GPR89B: variants seen among roughly 807,000 people sequenced by gnomAD.
The protein encoded by GPR89B is golgi pH regulator B, also known as G protein-coupled receptor 89B.
GPR89B carries 25 observed loss-of-function variants against 52.4 expected under a neutral mutation model. The ratio of observed to expected loss-of-function variants is 0.48; its 90% CI spans 0.35 to 0.67. The LOEUF is 0.67. GPR89B is among the 30% of genes least tolerant of loss of function. The probability of loss-of-function intolerance (pLI) is 0.01; values close to 1 mark genes in which losing one functional copy is unlikely to be tolerated. For synonymous variants in GPR89B, 52 were observed against 151.2 expected (o/e 0.34, Z 4.81); for missense variants, 146 against 450.2 (o/e 0.32, Z 6.11).
At chr1:148,018,977 T>C in the GPR89B span, among the ~76,000 whole-genome samples, 4 of 148,826 alleles carry the variant, frequency 2.7e-5, no homozygotes, top group African/African-American at 1.0e-4. Flanking sequence ...ATTATTATTA[T>C]TATTATTATC....
the GPR89B span, among the ~76,000 whole-genome samples, chr1:148,020,467 T>G: frequency 6.6e-6 from 1 of 151,152 alleles, no homozygotes; most frequent in Admixed American, 6.6e-5. Context: ...CAGCTCGGGG[T>G]CAGGAGGCGT....
At chr1:147,930,429 A>G (rs1297928135) in intron 1 of GPR89B, among the ~76,000 whole-genome samples, 2 of 152,072 alleles carry the variant, frequency 1.3e-5, no homozygotes, top group African/African-American at 4.8e-5. Context: ...GTTCATTTGT[A>G]TATTCATGTG....
At chr1:148,014,072 C>G in the GPR89B span, among the ~76,000 whole-genome samples, 1 of 151,234 alleles carries the variant, frequency 6.6e-6, no homozygotes, top group African/African-American at 2.5e-5. Flanking sequence ...TGCTTTCCCA[C>G]CACGCAGGCC....
At chr1:147,970,491 A>ATCTCTCTCTCTCTCTCTCTCTCTCTCTC (rs1174595676) in intron 10 of GPR89B, among the ~76,000 whole-genome samples, 10 of 105,808 alleles carry the variant, frequency 9.5e-5, no homozygotes, top group Non-Finnish European at 1.4e-4. Context: ...GTGAGACTCC[A>ATCTCTCTCTCTCTCTCTCTCTCTCTCTC]TCTCTCTCTC....
the GPR89B span, chr1:148,014,752 G>A: frequency 6.6e-6 from 1 of 152,570 alleles, no homozygotes; most frequent in Non-Finnish European, 1.5e-5. Flanking sequence ...CCGCCCCACA[G>A]CCACCGCGCC....
At position 147,992,580 on chromosome 1, in the gene GPR89B, A is replaced by C; in HGVS notation, c.1161+13A>C. On this transcript the variant is annotated intron_variant, in intron 13 of 13. Transcript: ENST00000314163. The stretch of plus-strand genomic sequence containing the variant: ...AGCACAGATAATGGTAAGTTTAATT[A>C]GTTACCTTTATGTTGACAGCTGTAA... 3 of 1,611,742 alleles carry C rather than the reference A, an allele frequency of 1.9e-6. No homozygotes were observed. Among genetic ancestry groups the C allele is most frequent in the Non-Finnish European group, 2.5e-6 (3 of 1,179,658 alleles).
At chr1:148,014,868 G>A in the GPR89B span, 2 of 151,858 alleles carry the variant, frequency 1.3e-5, no homozygotes, top group East Asian at 1.9e-4. Context: ...GCAGGACGGG[G>A]GGAAGGCCAT....
At chr1:148,011,679 C>T in the GPR89B span, 1 of 152,344 alleles carries the variant, frequency 6.6e-6, no homozygotes, top group Middle Eastern at 3.4e-3. Context: ...TATGCCCAGA[C>T]ACCCTGAACC....
chr1:148,015,920 C>T, the GPR89B span, among the ~76,000 whole-genome samples: 1 of 151,900 alleles, frequency 6.6e-6, no homozygotes, highest in African/African-American at 2.4e-5. Flanking sequence ...TTAGTAATTC[C>T]CTTAGGGCTT....
intron 12 of GPR89B, 68 bp from the exon 13 acceptor site, chr1:147,992,434 A>G: frequency 1.5e-5 from 23 of 1,528,628 alleles, no homozygotes; most frequent in Non-Finnish European, 2.1e-5. Flanking sequence ...TGTTAACCAT[A>G]TTTCTTACTG....
chr1:147,970,525 CTCTCTCTCTA>C (rs1210064653), intron 10 of GPR89B, among the ~76,000 whole-genome samples: 13 of 145,012 alleles, frequency 9.0e-5, no homozygotes, highest in African/African-American at 2.3e-4. Context: ...CTCTCTCTCT[CTCTCTCTCTA>C]TCTCTATCTC....
At chr1:148,007,861 GAGT>G in the GPR89B span, among the ~76,000 whole-genome samples, 1 of 151,056 alleles carries the variant, frequency 6.6e-6, no homozygotes, top group East Asian at 1.9e-4. Flanking sequence ...CCTGGTAACT[GAGT>G]AGTAAGTAGT....
At chr1:147,932,280 C>T (rs1404933213) in intron 1 of GPR89B, among the ~76,000 whole-genome samples, 2 of 151,972 alleles carry the variant, frequency 1.3e-5, no homozygotes, top group African/African-American at 4.8e-5. Flanking sequence ...TGACCCTTTC[C>T]TTTTCTGCTT....
At chr1:148,012,506 C>G in the GPR89B span, among the ~76,000 whole-genome samples, 1 of 150,044 alleles carries the variant, frequency 6.7e-6, no homozygotes, top group Admixed American at 6.6e-5. Flanking sequence ...CCCACTCCCC[C>G]ACCCCCGCAG....
the GPR89B span, chr1:148,010,410 G>T: frequency 2.0e-5 from 3 of 152,242 alleles, no homozygotes; most frequent in Non-Finnish European, 2.9e-5. Flanking sequence ...GCCAAAGAGA[G>T]TGTAGTTAAG....
At chr1:147,946,014 C>T (rs1246078367) in intron 5 of GPR89B, among the ~76,000 whole-genome samples, 8 of 152,056 alleles carry the variant, frequency 5.3e-5, no homozygotes, top group African/African-American at 1.7e-4. Context: ...GTATGAGCCA[C>T]CACACCCAGC....
intron 10 of GPR89B, among the ~76,000 whole-genome samples, chr1:147,972,739 G>T (rs1391697436): frequency 0.055 from 8,323 of 150,018 alleles, 443 homozygotes; most frequent in Middle Eastern, 0.11. Context: ...ATGGTGATTT[G>T]CTGCATCTGT....
At chr1:147,949,174 A>T (rs1165493757) in intron 5 of GPR89B, among the ~76,000 whole-genome samples, 2 of 152,112 alleles carry the variant, frequency 1.3e-5, no homozygotes, top group African/African-American at 2.4e-5. Context: ...CCACACAGAC[A>T]TGGCAACCAT....
chr1:147,938,797 C>G lies in GPR89B; in HGVS notation c.186C>G (p.Ile62Met), dbSNP rs1654308952. The change falls in exon 3 of 14, where the codon ATC becomes ATG. Residue 62 changes from isoleucine to methionine, a missense_variant. Physicochemically the swap from Ile to Met is conservative, Grantham distance 10 (BLOSUM62 1). Coordinates refer to ENST00000314163, the MANE Select transcript of GPR89B (RefSeq NM_016334.5). The stretch of plus-strand genomic sequence containing the variant: ...TGTTTGAGCTCATCATCTTTGAAAT[C>G]TTAGGAGTATTGAATAGCAGGTGAG... ...CTMFELIIFE[I>M]LGVLNSSSRY... 6.4e-7 allele frequency: 1 copy of G among 1,574,020 alleles called. No individual in the cohort carries two copies. The highest frequency in any genetic ancestry group is 8.6e-7 in the Non-Finnish European group (1 of 1,160,762).
Sources: gnomAD v4.1 joint callset for allele counts (sites outside exome capture counted in the v4.1 genomes callset) on GRCh38, gnomAD v4.1.1 for gene constraint, MANE v1.5 for transcripts, NCBI Gene and HGNC (gene_info 2026-07-23, HGNC 2026-07-21) for gene names.